Variants in DMD observed in about 807,000 individuals in gnomAD.
DMD encodes the protein dystrophin.
A neutral mutation model predicts 330.1 loss-of-function variants in DMD; 63 were observed. The ratio of observed to expected loss-of-function variants is 0.19; its 90% confidence interval spans 0.16 to 0.24. The LOEUF (loss-of-function observed/expected upper bound fraction) is 0.24, where lower values mean the gene tolerates loss of function less well. Among genes scored for constraint, DMD ranks in the 10% least tolerant of loss-of-function variants. DMD has a pLI of 1.00. For synonymous variants in DMD, 1,223 were observed against 959.8 expected (o/e 1.27, Z -5.07); for missense variants, 3,344 against 2,684.1 (o/e 1.25, Z -5.43).
chrX:33,056,222 C>G (rs956017398), intron 1 of DMD, among the ~76,000 whole-genome samples: 1 of 110,907 alleles, frequency 9.0e-6, no homozygotes, highest in Admixed American at 9.7e-5. Context: ...TAGAAAGTCC[C>G]GCATGGTCCT....
intron 9 of DMD, among the ~76,000 whole-genome samples, chrX:32,679,832 T>C (rs750625846): frequency 9.4e-6 from 1 of 106,722 alleles, no homozygotes; most frequent in East Asian, 2.9e-4. Flanking sequence ...TTTCACAGTA[T>C]ACTGAGACTG....
At chrX:33,016,868 A>G (rs2093812848) in intron 2 of DMD, among the ~76,000 whole-genome samples, 1 of 111,976 alleles carries the variant, frequency 8.9e-6, no homozygotes. Context: ...TTAAGCCGGC[A>G]TGGATGAGCA....
intron 2 of DMD, among the ~76,000 whole-genome samples, chrX:32,886,803 T>G (rs1274356435): frequency 8.9e-6 from 1 of 112,008 alleles, no homozygotes; most frequent in East Asian, 2.8e-4. Context: ...ATGCCTAACT[T>G]TAGAATAAGT....
intron 36 of DMD, among the ~76,000 whole-genome samples, chrX:32,364,368 T>C (rs2097847130): frequency 8.9e-6 from 1 of 112,014 alleles, no homozygotes; most frequent in African/African-American, 3.2e-5. Flanking sequence ...TATAATTAAC[T>C]GAGTGATGGA....
chrX:31,567,614 T>C (rs2075537908), intron 55 of DMD, among the ~76,000 whole-genome samples: 1 of 111,854 alleles, frequency 8.9e-6, no homozygotes. Flanking sequence ...TATTTAATAT[T>C]TTGTTGATGG....
At chrX:31,171,992 C>A (rs991889192) in intron 73 of DMD, among the ~76,000 whole-genome samples, 1 of 111,782 alleles carries the variant, frequency 8.9e-6, no homozygotes, top group Non-Finnish European at 1.9e-5. Flanking sequence ...TAGTACTTAG[C>A]CATGACTTTA....
intron 64 of DMD, among the ~76,000 whole-genome samples, chrX:31,218,935 CT>C (rs2045688019): frequency 9.0e-6 from 1 of 111,440 alleles, no homozygotes; most frequent in Non-Finnish European, 1.9e-5. Flanking sequence ...ATTCTAGCCT[CT>C]CAGTTCCTTA....
intron 60 of DMD, among the ~76,000 whole-genome samples, chrX:31,417,278 CTTTTCTTT>C (rs1240850326): frequency 1.8e-5 from 2 of 111,501 alleles, no homozygotes; most frequent in African/African-American, 6.5e-5. Flanking sequence ...TTTCTTTTTT[CTTTTCTTT>C]TTTTCTTTTT....
chrX:33,120,255 G>C (rs1322000210), intron 1 of DMD, among the ~76,000 whole-genome samples: 1 of 111,857 alleles, frequency 8.9e-6, no homozygotes, highest in Admixed American at 9.6e-5. Flanking sequence ...GAAAGGTAAG[G>C]AGGCAATCAA....
chrX:31,138,627 GA>G (rs1569323334), intron 76 of DMD, among the ~76,000 whole-genome samples: 3 of 547 alleles, frequency 5.5e-3, no homozygotes, highest in Non-Finnish European at 0.013. Flanking sequence ...GGCAGCAGGA[GA>G]GAGAGAGAGA....
intron 54 of DMD, among the ~76,000 whole-genome samples, chrX:31,650,284 A>G (rs1274676939): frequency 4.9e-5 from 5 of 101,950 alleles, no homozygotes; most frequent in African/African-American, 1.5e-4. Flanking sequence ...AAAATGTGCC[A>G]CATATATATT....
rs376720694 is a variant in DMD at position 32,587,355 on chromosome X, A to G, written c.1602+8402T>C. ...TAACGACACTAACAGCAATGTCCAA[A>G]GAGATGTTACCATTAAATGTCTGTC... On this transcript the variant is annotated intron_variant, in intron 13 of 78. Coordinates refer to ENST00000357033, the MANE Select transcript of DMD (RefSeq NM_004006.3). 1.6e-4 allele frequency among the ~76,000 whole-genome samples: 18 copies of G among 112,225 alleles called. 1 individual carries two copies. The highest frequency in any genetic ancestry group is 1.2e-3 in the Admixed American group (13 of 10,573).
chrX:31,191,848 G>A (rs1454124801), intron 67 of DMD, among the ~76,000 whole-genome samples: 1 of 112,244 alleles, frequency 8.9e-6, no homozygotes, highest in Non-Finnish European at 1.9e-5. Context: ...CAATGTCATT[G>A]CCATTGTTAA....
chrX:31,577,791 C>T (rs1229895631), intron 55 of DMD, among the ~76,000 whole-genome samples: 2 of 111,526 alleles, frequency 1.8e-5, no homozygotes, highest in African/African-American at 6.5e-5. Flanking sequence ...TCCATGATGC[C>T]AATGAATTTT....
chrX:32,363,757 C>T (rs147260856), intron 36 of DMD, among the ~76,000 whole-genome samples: 1,910 of 111,786 alleles, frequency 0.017, 26 homozygotes, highest in Non-Finnish European at 0.025. Flanking sequence ...ATATCAGAGG[C>T]ATAAAAATAA....
chrX:32,806,947 T>C (rs773816595), intron 7 of DMD, among the ~76,000 whole-genome samples: 15 of 108,095 alleles, frequency 1.4e-4, no homozygotes, highest in African/African-American at 4.7e-4. Flanking sequence ...TAAAGCAGTG[T>C]TGAGAGGGAA....
chrX:32,003,884 C>T (rs189221458), intron 44 of DMD, among the ~76,000 whole-genome samples: 87 of 110,997 alleles, frequency 7.8e-4, no homozygotes, highest in South Asian at 1.5e-3. Context: ...AATCCAGATG[C>T]TGCGTGGGGG....
At chrX:32,938,876 G>A (rs1007590934) in intron 2 of DMD, among the ~76,000 whole-genome samples, 10 of 110,485 alleles carry the variant, frequency 9.1e-5, no homozygotes, top group Admixed American at 2.9e-4. Flanking sequence ...AATTGGTTAA[G>A]TAATTAACCA....
intron 47 of DMD, among the ~76,000 whole-genome samples, chrX:31,897,532 C>T (rs1335657364): frequency 5.3e-5 from 5 of 94,538 alleles, no homozygotes; most frequent in Non-Finnish European, 1.1e-4. Context: ...AGTTTACAGT[C>T]CCACCAACAG....
Sources: gnomAD v4.1 joint callset for allele counts (sites outside exome capture counted in the v4.1 genomes callset) on GRCh38, gnomAD v4.1.1 for gene constraint, MANE v1.5 for transcripts, NCBI Gene and HGNC (gene_info 2026-07-23, HGNC 2026-07-21) for gene names.